The following ZRANB3 variants were observed in gnomAD, a reference collection of about 807,000 sequenced individuals.
ZRANB3 encodes DNA annealing helicase and endonuclease ZRANB3.
Under a neutral mutation model 133.8 loss-of-function variants are expected in ZRANB3, and 125 were observed. That is an observed-to-expected ratio of 0.93 (90% CI 0.81 to 1.08). ZRANB3 has a LOEUF of 1.08. ZRANB3 is among the 50% of genes least tolerant of loss of function. The pLI is 0.00. For synonymous variants in ZRANB3, 387 were observed against 432.7 expected (o/e 0.89, Z 1.31); for missense variants, 1,229 against 1,275.5 (o/e 0.96, Z 0.56).
chr2:135,418,923 C>CTTTTTTTTTTTT (rs1558986938), intron 2 of ZRANB3, among the ~76,000 whole-genome samples: 1 of 114,324 alleles, frequency 8.7e-6, no homozygotes, highest in African/African-American at 3.6e-5. Flanking sequence ...TAAGGATTCT[C>CTTTTTTTTTTTT]TCTTTTTTTT....
At chr2:135,381,344 G>C (rs1686687184) in intron 3 of ZRANB3, among the ~76,000 whole-genome samples, 1 of 152,190 alleles carries the variant, frequency 6.6e-6, no homozygotes, top group African/African-American at 2.4e-5. Flanking sequence ...GGTAAACAAA[G>C]CGGCCTGGAA....
chr2:135,322,773 T>C (rs1455271389), intron 6 of ZRANB3, among the ~76,000 whole-genome samples: 2 of 152,060 alleles, frequency 1.3e-5, no homozygotes, highest in East Asian at 3.9e-4. Context: ...TCTTAGCACT[T>C]TGGGAGGCCG....
At chr2:135,322,380 T>C (rs1256750826) in intron 6 of ZRANB3, among the ~76,000 whole-genome samples, 2 of 152,200 alleles carry the variant, frequency 1.3e-5, no homozygotes, top group East Asian at 1.9e-4. Flanking sequence ...TTGATTGTTA[T>C]TGCACAGAAT....
chr2:135,205,350 GC>G (rs1243256438), intron 19 of ZRANB3, among the ~76,000 whole-genome samples: 1 of 152,094 alleles, frequency 6.6e-6, no homozygotes, highest in Non-Finnish European at 1.5e-5. Context: ...GCTCACTGCA[GC>G]CTTGACCTTC....
intron 3 of ZRANB3, among the ~76,000 whole-genome samples, chr2:135,388,198 G>A (rs1045332072): frequency 1.3e-5 from 2 of 152,190 alleles, no homozygotes; most frequent in Non-Finnish European, 2.9e-5. Flanking sequence ...GATCTCGTGA[G>A]ACTTACTGGC....
intron 3 of ZRANB3, among the ~76,000 whole-genome samples, chr2:135,380,942 G>A (rs1374111786): frequency 6.6e-6 from 1 of 152,170 alleles, no homozygotes; most frequent in Non-Finnish European, 1.5e-5. Flanking sequence ...GAAGAGGGGT[G>A]ATTTCTGCAT....
rs113640959 is a variant in ZRANB3 at position 135,307,574 on chromosome 2, A to G, written c.966+5915T>C. 3.0e-3 allele frequency among the ~76,000 whole-genome samples: 452 copies of G among 152,298 alleles called. 3 individuals carry two copies. The highest frequency in any genetic ancestry group is 0.01 in the African/African-American group (421 of 41,552). ...AAAGCCCTTGTCTAATAGTTCTACA[A>G]TCTGGGTCATTTCTGCATCTGGCTT... is the stretch of plus-strand genomic sequence containing the variant. On this transcript the variant is annotated intron_variant, in intron 8 of 20. Transcript: ENST00000264159.
chr2:135,346,600 T>C (rs1021092725), intron 5 of ZRANB3, among the ~76,000 whole-genome samples: 1 of 152,198 alleles, frequency 6.6e-6, no homozygotes, highest in African/African-American at 2.4e-5. Flanking sequence ...AGAAATGGAA[T>C]AGCTGATTCT....
At chr2:135,372,386 T>A (rs1367886130) in intron 3 of ZRANB3, among the ~76,000 whole-genome samples, 1 of 152,168 alleles carries the variant, frequency 6.6e-6, no homozygotes, top group African/African-American at 2.4e-5. Context: ...AGGAGTCAGA[T>A]GGGATCAAGA....
intron 6 of ZRANB3, among the ~76,000 whole-genome samples, chr2:135,341,235 A>G (rs1684645924): frequency 6.7e-6 from 1 of 149,640 alleles, no homozygotes; most frequent in Non-Finnish European, 1.5e-5. Context: ...TCATCATGTT[A>G]GCCAGGATGG....
At chr2:135,437,205 A>G (rs1689574731) in intron 2 of ZRANB3, among the ~76,000 whole-genome samples, 2 of 152,226 alleles carry the variant, frequency 1.3e-5, no homozygotes, top group South Asian at 2.1e-4. Flanking sequence ...TGATCTACCC[A>G]CCTCAACCTC....
intron 12 of ZRANB3, among the ~76,000 whole-genome samples, chr2:135,259,774 T>TC (rs1471783752): frequency 2.7e-5 from 4 of 150,578 alleles, no homozygotes; most frequent in African/African-American, 9.7e-5. Context: ...TAAATTAGAG[T>TC]CCTTTTTTTT....
At chr2:135,390,624 ACATTCATT>A (rs1040426845) in intron 3 of ZRANB3, among the ~76,000 whole-genome samples, 170 bp downstream of exon 3, 1 of 151,920 alleles carries the variant, frequency 6.6e-6, no homozygotes, top group East Asian at 1.9e-4. Flanking sequence ...ACACACACAC[ACATTCATT>A]CATTCTCATT....
chr2:135,200,753 G>GTTT lies in ZRANB3; in HGVS notation c.3142-316_3142-314dup, dbSNP rs373759295. ...CCTGATTCTCCCATCCAAGTGGGAG[G>GTTT]TTTTTTTTTTTTTTTTTTTTGAGAT... On this transcript the variant is annotated intron_variant, in intron 20 of 20. Transcript: ENST00000264159. Among the ~76,000 whole-genome samples the GTTT allele has an allele frequency of 2.3e-3, 295 of 126,420 alleles. 1 individual carries two copies. The highest frequency in any genetic ancestry group is 8.2e-3 in the African/African-American group (278 of 33,928). 82.9% of individuals were successfully genotyped at this position (126,420 alleles called of 152,430 possible).
At chr2:135,438,275 C>G in intron 2 of ZRANB3, among the ~76,000 whole-genome samples, 1 of 151,902 alleles carries the variant, frequency 6.6e-6, no homozygotes, top group East Asian at 1.9e-4. Context: ...GAGGCTGAGG[C>G]GGGTGGATCA....
chr2:135,398,642 C>T (rs1026276547), intron 2 of ZRANB3, among the ~76,000 whole-genome samples: 6 of 151,296 alleles, frequency 4.0e-5, no homozygotes, highest in South Asian at 2.1e-4. Context: ...CCTCAGCCTC[C>T]GGAGTAGCTG....
intron 6 of ZRANB3, among the ~76,000 whole-genome samples, chr2:135,319,685 C>T (rs1683426155): frequency 1.3e-5 from 2 of 152,280 alleles, no homozygotes; most frequent in South Asian, 4.2e-4. Flanking sequence ...AAGACACGTT[C>T]GCACTGCAAT....
chr2:135,522,375 T>G (rs1410303225), intron 1 of ZRANB3, among the ~76,000 whole-genome samples: 2 of 152,222 alleles, frequency 1.3e-5, no homozygotes, highest in African/African-American at 4.8e-5. Context: ...TCCCCTGGAC[T>G]CGCCTTTTAA....
At chr2:135,483,297 CTGT>C (rs1691924430) in intron 2 of ZRANB3, among the ~76,000 whole-genome samples, 1 of 152,136 alleles carries the variant, frequency 6.6e-6, no homozygotes, top group South Asian at 2.1e-4. Flanking sequence ...ATTTCAGATC[CTGT>C]TATTAGTCTA....
Sources: allele counts gnomAD v4.1 joint callset (sites outside exome capture counted in the v4.1 genomes callset), GRCh38; gene constraint gnomAD v4.1.1; transcripts MANE v1.5; gene names NCBI Gene and HGNC (gene_info 2026-07-23, HGNC 2026-07-21).